The following OPCML variants were observed in gnomAD, a reference collection of about 807,000 sequenced individuals.
OPCML encodes opioid binding protein/cell adhesion molecule like.
OPCML carries 13 observed loss-of-function variants against 37.8 expected under a neutral mutation model. That is an observed-to-expected ratio of 0.34 (90% CI 0.22 to 0.55). The LOEUF is 0.55. Among genes scored for constraint, OPCML ranks in the 20% least tolerant of loss-of-function variants. The probability of loss-of-function intolerance (pLI) is 0.91; values close to 1 mark genes in which losing one functional copy is unlikely to be tolerated. For missense variants in OPCML, 341 were observed against 435.6 expected (o/e 0.78, Z 1.93); for synonymous variants, 176 against 168.8 (o/e 1.04, Z -0.33).
intron 1 of OPCML, among the ~76,000 whole-genome samples, chr11:133,391,378 C>T (rs955669392): frequency 1.3e-5 from 2 of 152,156 alleles, no homozygotes; most frequent in South Asian, 2.1e-4. Flanking sequence ...CTTACTAACC[C>T]GTGCAGACCG....
intron 2 of OPCML, among the ~76,000 whole-genome samples, chr11:132,718,176 G>A (rs1160725731): frequency 6.6e-6 from 1 of 152,094 alleles, no homozygotes; most frequent in African/African-American, 2.4e-5. Context: ...GCTTCCTCCT[G>A]GGTCTTGGTG....
chr11:132,471,618 C>T (rs1475093731), intron 4 of OPCML, among the ~76,000 whole-genome samples: 1 of 152,150 alleles, frequency 6.6e-6, no homozygotes, highest in Non-Finnish European at 1.5e-5. Flanking sequence ...GCCTAATTAT[C>T]CTCACAACAA....
At chr11:133,388,927 AT>A (rs1376569256) in intron 1 of OPCML, among the ~76,000 whole-genome samples, 1 of 152,220 alleles carries the variant, frequency 6.6e-6, no homozygotes, top group Admixed American at 6.5e-5. Flanking sequence ...TTTGGCCCTC[AT>A]ATTAAGCATA....
chr11:133,463,147 A>T (rs1387617838), intron 1 of OPCML, among the ~76,000 whole-genome samples: 4 of 151,324 alleles, frequency 2.6e-5, no homozygotes, highest in African/African-American at 9.7e-5. Context: ...AATCAAAAAA[A>T]CCTAAGTTTT....
chr11:132,947,145 A>G (rs1381756889), intron 1 of OPCML, among the ~76,000 whole-genome samples: 2 of 152,220 alleles, frequency 1.3e-5, no homozygotes, highest in African/African-American at 4.8e-5. Context: ...AAAATGGAGC[A>G]GTTGCTAAAT....
At chr11:132,429,469 G>C (rs367902367) in intron 7 of OPCML, among the ~76,000 whole-genome samples, 1 of 152,168 alleles carries the variant, frequency 6.6e-6, no homozygotes, top group Non-Finnish European at 1.5e-5. Flanking sequence ...CAGATGTGAG[G>C]AGTGAGGGAG....
intron 3 of OPCML, among the ~76,000 whole-genome samples, chr11:132,540,851 C>A (rs1399486644): frequency 1.3e-5 from 2 of 152,182 alleles, no homozygotes; most frequent in African/African-American, 4.8e-5. Context: ...GACAACTGAC[C>A]ATGATCAGAG....
At chr11:132,900,767 G>A (rs961505759) in intron 2 of OPCML, among the ~76,000 whole-genome samples, 6 of 152,126 alleles carry the variant, frequency 3.9e-5, no homozygotes, top group South Asian at 2.1e-4. Flanking sequence ...TCTACAGTCA[G>A]AGAAGCCTGC....
intron 4 of OPCML, among the ~76,000 whole-genome samples, chr11:132,469,883 G>GGT (rs113475116): frequency 1.9e-5 from 1 of 52,056 alleles, no homozygotes. Flanking sequence ...ATGTGTGGGA[G>GGT]GTGTGTGTGT....
At position 132,561,988 on chromosome 11, in the gene OPCML, C is replaced by T. The variant is rs542109889; in HGVS notation, c.380-32802G>A. On this transcript the variant is annotated intron_variant, in intron 3 of 7. Transcript: ENST00000524381. ...CAAAAGAGCCATACTTGTATTAGAC[C>T]GAACTGAAGGCTTCCAGGGTTAAAG... Among the ~76,000 whole-genome samples, 91 of 152,232 alleles carry T rather than the reference C, an allele frequency of 6.0e-4. 1 individual carries two copies. Among genetic ancestry groups the T allele is most frequent in the African/African-American group, 1.8e-3 (76 of 41,544 alleles).
At chr11:133,251,841 A>G (rs1440794095) in intron 1 of OPCML, among the ~76,000 whole-genome samples, 1 of 152,188 alleles carries the variant, frequency 6.6e-6, no homozygotes, top group Non-Finnish European at 1.5e-5. Flanking sequence ...CCAGAGAGGA[A>G]GGGTAGGAAA....
intron 3 of OPCML, among the ~76,000 whole-genome samples, chr11:132,533,741 C>G (rs2096332715): frequency 6.6e-6 from 1 of 152,070 alleles, no homozygotes; most frequent in Non-Finnish European, 1.5e-5. Context: ...TTTAATTGTA[C>G]ATACAATTCC....
intron 3 of OPCML, among the ~76,000 whole-genome samples, chr11:132,535,481 T>C (rs1017069068): frequency 6.6e-6 from 1 of 152,208 alleles, no homozygotes; most frequent in Admixed American, 6.5e-5. Context: ...TGCTGCTCCC[T>C]ACCTCAGCCT....
intron 1 of OPCML, among the ~76,000 whole-genome samples, chr11:133,121,761 C>T (rs1949425383): frequency 6.6e-6 from 1 of 152,184 alleles, no homozygotes; most frequent in African/African-American, 2.4e-5. Flanking sequence ...TGAAATCTGC[C>T]AGCATGTTTT....
At chr11:132,660,460 C>T (rs1199258948) in intron 2 of OPCML, among the ~76,000 whole-genome samples, 1 of 152,084 alleles carries the variant, frequency 6.6e-6, no homozygotes, top group East Asian at 1.9e-4. Flanking sequence ...TATAACATGG[C>T]ATCAAATTCA....
chr11:132,823,917 C>T (rs997073625), intron 2 of OPCML, among the ~76,000 whole-genome samples: 2 of 152,152 alleles, frequency 1.3e-5, no homozygotes, highest in Admixed American at 6.5e-5. Flanking sequence ...CATGCACTCT[C>T]TTGTTCTGCC....
At chr11:132,744,330 C>T (rs1312210570) in intron 2 of OPCML, among the ~76,000 whole-genome samples, 2 of 152,296 alleles carry the variant, frequency 1.3e-5, no homozygotes, top group South Asian at 2.1e-4. Context: ...CACTGTCTCC[C>T]CCTCATTACT....
At chr11:132,916,277 C>T (rs1011909044) in intron 2 of OPCML, among the ~76,000 whole-genome samples, 1 of 152,164 alleles carries the variant, frequency 6.6e-6, no homozygotes, top group African/African-American at 2.4e-5. Context: ...AAGAGAGACT[C>T]CCTCTTGTCA....
intron 1 of OPCML, among the ~76,000 whole-genome samples, chr11:133,466,512 T>G (rs1223156489): frequency 6.6e-6 from 1 of 152,080 alleles, no homozygotes. Context: ...GGAAACCAGT[T>G]TTGCTGAAGC....
Sources: gnomAD v4.1 joint callset for allele counts (sites outside exome capture counted in the v4.1 genomes callset) on GRCh38, gnomAD v4.1.1 for gene constraint, MANE v1.5 for transcripts, NCBI Gene and HGNC (gene_info 2026-07-23, HGNC 2026-07-21) for gene names.